ZDHHC1: variants seen among roughly 807,000 people sequenced by gnomAD.
ZDHHC1 encodes zDHHC palmitoyltransferase 1, also known as palmitoyltransferase ZDHHC1.
A neutral mutation model predicts 46.9 loss-of-function variants in ZDHHC1; 45 were observed. The observed-to-expected ratio is 0.96, with a 90% CI of 0.76 to 1.23. The LOEUF is 1.23. ZDHHC1 is among the 50% of genes most tolerant of loss of function. The pLI, the probability that ZDHHC1 is intolerant of heterozygous loss-of-function variation, is 0.00. For synonymous variants in ZDHHC1, 291 were observed against 286.0 expected (o/e 1.02, Z -0.18); for missense variants, 649 against 670.8 (o/e 0.97, Z 0.36).
At position 67,394,893 on chromosome 16, in the gene ZDHHC1, C is replaced by G; in HGVS notation, c.1166G>C (p.Gly389Ala). 6.4e-7 allele frequency: 1 copy of G among 1,562,820 alleles called. No individual in the cohort carries two copies. The highest frequency in any genetic ancestry group is 8.6e-7 in the Non-Finnish European group (1 of 1,156,424). The change falls in exon 12 of 12, where the codon GGG becomes GCG. Residue 389 changes from glycine to alanine, a missense_variant and splice_region_variant. Coordinates refer to ENST00000565726, the MANE Select transcript of ZDHHC1 (RefSeq NM_001323627.2). ...RTSETSDPAS[G>A]PRAPSRRSSS... ...GGAGCGGCGGCTGGGGGCCCTAGGC[C>G]CTGCGCAAGGGAAGGGAACATGAGC...
At chr16:67,407,363 T>C (rs1208592625) in intron 2 of ZDHHC1, among the ~76,000 whole-genome samples, 3 of 152,308 alleles carry the variant, frequency 2.0e-5, no homozygotes, top group Middle Eastern at 3.4e-3. Flanking sequence ...TCTGCGCTCA[T>C]GGTGGGAAGG....
intron 3 of ZDHHC1, among the ~76,000 whole-genome samples, chr16:67,405,715 C>T (rs757960393): frequency 5.9e-5 from 9 of 152,164 alleles, no homozygotes; most frequent in Non-Finnish European, 1.3e-4. Context: ...AATCAATGTG[C>T]CCATAAACAG....
chr16:67,411,879 G>A (rs1458120565), intron 1 of ZDHHC1, among the ~76,000 whole-genome samples: 1 of 152,158 alleles, frequency 6.6e-6, no homozygotes, highest in East Asian at 1.9e-4. Context: ...TTGGGAGGTC[G>A]AGGAGGGCAG....
chr16:67,395,834 GC>G (rs1286645163), intron 8 of ZDHHC1: 1 of 482,476 alleles, frequency 2.1e-6, no homozygotes, highest in Non-Finnish European at 3.8e-6. Flanking sequence ...GGGTCTATAG[GC>G]CCAGTTTAGA....
Position 67,403,043 on chromosome 16 carries a change from C to T in ZDHHC1, c.253-1911G>A, listed in dbSNP as rs538229552. The stretch of plus-strand genomic sequence containing the variant: ...GTCTGAAGGGGTCCAGAAGGCTTAC[C>T]TGAGGAAGTATTGTCTCAGCTGAGA... On this transcript the variant is annotated intron_variant, in intron 3 of 11. Coordinates refer to ENST00000565726, the MANE Select transcript of ZDHHC1 (RefSeq NM_001323627.2). Among the ~76,000 whole-genome samples the T allele has an allele frequency of 2.6e-5, 4 of 152,296 alleles. No homozygotes were observed. The East Asian group carries it at 7.7e-4, about 29-fold the overall frequency.
At chr16:67,399,557 C>A in intron 4 of ZDHHC1, 101 bp from the exon 5 acceptor site, 1 of 974,494 alleles carries the variant, frequency 1.0e-6, no homozygotes. Flanking sequence ...GGACCAAGCG[C>A]CAGGCCTGAG....
intron 1 of ZDHHC1, among the ~76,000 whole-genome samples, chr16:67,411,734 A>G (rs1004720415): frequency 6.6e-6 from 1 of 152,262 alleles, no homozygotes; most frequent in African/African-American, 2.4e-5. Flanking sequence ...AAAAAAAGAA[A>G]AAAAAGGGAT....
chr16:67,406,121 C>G lies in ZDHHC1; in HGVS notation c.252+79G>C. Reference sequence around the variant, plus strand: ...ACTGTGCTCCCCAAGGCTCTCAACCCGGCTTTGGGCCTCCGCTGTGCCAGC... The same window carrying G: ...ACTGTGCTCCCCAAGGCTCTCAACCGGGCTTTGGGCCTCCGCTGTGCCAGC... On this transcript the variant is annotated intron_variant, in intron 3 of 11. Coordinates refer to ENST00000565726, the MANE Select transcript of ZDHHC1 (RefSeq NM_001323627.2). The surrounding 1 kb of genome is among the most constrained non-coding windows in gnomAD (Gnocchi z 4.1). 8.6e-6 allele frequency: 13 copies of G among 1,518,186 alleles called. No homozygotes were observed. The highest frequency in any genetic ancestry group is 4.5e-4 in the Middle Eastern group (2 of 4,406). The allele number at this position is 1,518,186 out of a possible 1,614,324, so 94.0% of individuals were successfully genotyped here.
chr16:67,414,212 C>T (rs114812764), intron 1 of ZDHHC1, among the ~76,000 whole-genome samples: 7,883 of 152,240 alleles, frequency 0.052, 603 homozygotes, highest in African/African-American at 0.17. Flanking sequence ...CCTTGGGGAA[C>T]ACCCACCACA....
At chr16:67,409,663 T>C (rs2040719005) in intron 1 of ZDHHC1, among the ~76,000 whole-genome samples, 1 of 152,206 alleles carries the variant, frequency 6.6e-6, no homozygotes, top group African/African-American at 2.4e-5. Flanking sequence ...CCAAGCACTG[T>C]CACCAGACCC....
At chr16:67,403,052 T>G (rs1348741428) in intron 3 of ZDHHC1, among the ~76,000 whole-genome samples, 1 of 152,210 alleles carries the variant, frequency 6.6e-6, no homozygotes, top group Non-Finnish European at 1.5e-5. Context: ...CCTGAGGAAG[T>G]ATTGTCTCAG....
At chr16:67,409,894 C>G (rs1414272889) in intron 1 of ZDHHC1, among the ~76,000 whole-genome samples, 1 of 150,264 alleles carries the variant, frequency 6.7e-6, no homozygotes, top group African/African-American at 2.5e-5. Context: ...CGGACACGAA[C>G]AGATACCAGG....
At position 67,394,815 on chromosome 16, in the gene ZDHHC1, G is replaced by T; in HGVS notation, c.1244C>A (p.Ala415Asp). Residue 415 changes from alanine to aspartate, a missense_variant, in exon 12 of 12, where the codon GCC (alanine) becomes GAC (aspartate). Coordinates refer to ENST00000565726, the MANE Select transcript of ZDHHC1 (RefSeq NM_001323627.2). ...TGCCGACGCCGAGTGGTAGGCGCCG[G>T]CAGGGCCAGCGGCGTGCACAGGGCT... ...DASPVHAAGP[A>D]GAYHSASAES... The T allele has an allele frequency of 6.5e-7, 1 of 1,526,840 alleles. No individual in the cohort carries two copies. The allele number at this position is 1,526,840 out of a possible 1,614,324, so 94.6% of individuals were successfully genotyped here.
At position 67,406,107 on chromosome 16, in the gene ZDHHC1, C is replaced by G. The variant is rs1025405388; in HGVS notation, c.252+93G>C. ...GCTCCACTCTCCTGACTGTGCTCCCCAAGGCTCTCAACCCGGCTTTGGGCC... is the reference window on the plus strand; with the variant it reads ...GCTCCACTCTCCTGACTGTGCTCCCGAAGGCTCTCAACCCGGCTTTGGGCC... On this transcript the variant is annotated intron_variant, in intron 3 of 11. Coordinates refer to ENST00000565726, the MANE Select transcript of ZDHHC1 (RefSeq NM_001323627.2). This position sits in a 1 kb window ranked among gnomAD's most constrained non-coding sequence, Gnocchi z 4.1. 38 of 1,494,932 alleles carry G rather than the reference C, an allele frequency of 2.5e-5. No individual in the cohort carries two copies. Among genetic ancestry groups the G allele is most frequent in the Non-Finnish European group, 3.4e-5 (38 of 1,119,798 alleles). The allele number at this position is 1,494,932 out of a possible 1,614,324, so 92.6% of individuals were successfully genotyped here.
At chr16:67,416,116 T>C (rs1208778410) in intron 1 of ZDHHC1, 55 bp downstream of exon 1, 1 of 152,214 alleles carries the variant, frequency 6.6e-6, no homozygotes, top group Non-Finnish European at 1.5e-5. Flanking sequence ...CAGCATCCGC[T>C]ACCCCGTGGC....
chr16:67,409,748 C>T (rs2040719925), intron 1 of ZDHHC1, among the ~76,000 whole-genome samples: 1 of 152,218 alleles, frequency 6.6e-6, no homozygotes, highest in Non-Finnish European at 1.5e-5. Context: ...TGGCTCTGTT[C>T]TCCAACGACG....
chr16:67,403,860 C>T (rs1165413501), intron 3 of ZDHHC1, among the ~76,000 whole-genome samples: 2 of 152,096 alleles, frequency 1.3e-5, no homozygotes, highest in South Asian at 2.1e-4. Context: ...GTGATCCATC[C>T]GCGTCGGTCT....
intron 3 of ZDHHC1, among the ~76,000 whole-genome samples, chr16:67,402,055 C>T (rs1484921733): frequency 6.6e-6 from 1 of 152,220 alleles, no homozygotes; most frequent in Non-Finnish European, 1.5e-5. Context: ...CTCCCTTCCT[C>T]CTCCTCCCAG....
At chr16:67,397,904 C>T (rs570545753) in intron 8 of ZDHHC1, among the ~76,000 whole-genome samples, 2 of 152,312 alleles carry the variant, frequency 1.3e-5, no homozygotes, top group African/African-American at 4.8e-5. Context: ...CTGACCCCGT[C>T]GCTGGTCCAT....
Sources: allele counts gnomAD v4.1 joint callset (sites outside exome capture counted in the v4.1 genomes callset), GRCh38; gene constraint gnomAD v4.1.1; non-coding constraint Gnocchi (gnomAD v3.1); transcripts MANE v1.5; gene names NCBI Gene and HGNC (gene_info 2026-07-23, HGNC 2026-07-21).